CNTNAP2: variants seen among roughly 807,000 people sequenced by gnomAD.
The protein encoded by CNTNAP2 is contactin associated protein 2.
CNTNAP2 carries 98 observed loss-of-function variants against 155.2 expected under a neutral mutation model. The ratio of observed to expected loss-of-function variants is 0.63; its 90% CI spans 0.54 to 0.75. The LOEUF (loss-of-function observed/expected upper bound fraction) is 0.75, where lower values mean the gene tolerates loss of function less well. Ranked by LOEUF, CNTNAP2 falls within the 30% of genes least tolerant of loss-of-function variation. The pLI, the probability that CNTNAP2 is intolerant of heterozygous loss-of-function variation, is 0.00. For synonymous variants in CNTNAP2, 651 were observed against 631.2 expected (o/e 1.03, Z -0.47); for missense variants, 1,727 against 1,688.1 (o/e 1.02, Z -0.40).
At chr7:147,320,122 T>C (rs1795321496) in intron 9 of CNTNAP2, among the ~76,000 whole-genome samples, 1 of 152,200 alleles carries the variant, frequency 6.6e-6, no homozygotes, top group African/African-American at 2.4e-5. Context: ...TTCCACCATC[T>C]TTAGTACATT....
At chr7:147,942,959 C>T (rs908368141) in intron 14 of CNTNAP2, among the ~76,000 whole-genome samples, 1 of 151,910 alleles carries the variant, frequency 6.6e-6, no homozygotes, top group African/African-American at 2.4e-5. Context: ...ATGGCATGAA[C>T]CCGGGAGGCG....
intron 13 of CNTNAP2, among the ~76,000 whole-genome samples, chr7:147,745,277 A>G (rs1797019596): frequency 6.6e-6 from 1 of 152,210 alleles, no homozygotes; most frequent in South Asian, 2.1e-4. Flanking sequence ...CATTTTCATC[A>G]CTGGCTTTCA....
intron 1 of CNTNAP2, among the ~76,000 whole-genome samples, chr7:146,406,599 CA>C (rs1268300530): frequency 3.9e-5 from 6 of 152,182 alleles, no homozygotes; most frequent in Non-Finnish European, 7.3e-5. Flanking sequence ...TTGAAGCACC[CA>C]GTCAAAGACT....
At chr7:147,116,758 C>T (rs1029091993) in intron 5 of CNTNAP2, among the ~76,000 whole-genome samples, 2 of 151,688 alleles carry the variant, frequency 1.3e-5, no homozygotes, top group Admixed American at 6.6e-5. Flanking sequence ...GTCATGCAGG[C>T]AGGTGTGGTT....
chr7:146,154,543 TAAC>T (rs1373040939), intron 1 of CNTNAP2, among the ~76,000 whole-genome samples: 2 of 152,242 alleles, frequency 1.3e-5, no homozygotes, highest in Non-Finnish European at 2.9e-5. Context: ...GAATTTCAGA[TAAC>T]AACTGGAATT....
intron 1 of CNTNAP2, among the ~76,000 whole-genome samples, chr7:146,503,300 A>G (rs1797334484): frequency 6.6e-6 from 1 of 152,208 alleles, no homozygotes; most frequent in Non-Finnish European, 1.5e-5. Context: ...TCCAACCCGC[A>G]GCCTATGGGC....
At chr7:146,648,135 C>T (rs554508887) in intron 1 of CNTNAP2, among the ~76,000 whole-genome samples, 2 of 152,270 alleles carry the variant, frequency 1.3e-5, no homozygotes, top group Admixed American at 6.5e-5. Context: ...TTGTATTTCT[C>T]TACTTCATGG....
At chr7:147,786,517 C>T (rs1217087551) in intron 13 of CNTNAP2, among the ~76,000 whole-genome samples, 1 of 152,154 alleles carries the variant, frequency 6.6e-6, no homozygotes, top group Non-Finnish European at 1.5e-5. Context: ...CACCCACAAA[C>T]CTGGACTGCT....
At position 147,322,597 on chromosome 7, in the gene CNTNAP2, G is replaced by A. The variant is rs868286831; in HGVS notation, c.1498+22307G>A. On this transcript the variant is annotated intron_variant, in intron 9 of 23. Transcript: ENST00000361727. ...GAATGATGCTGGCCTCATAAAATGA[G>A]TTAGGGAGGATTCCCTCTTTTTCTA... 6.4e-4 allele frequency among the ~76,000 whole-genome samples: 96 copies of A among 149,442 alleles called. 1 individual carries two copies. Among genetic ancestry groups the A allele is most frequent in the Middle Eastern group, 6.8e-3 (2 of 294 alleles).
intron 2 of CNTNAP2, among the ~76,000 whole-genome samples, chr7:146,797,385 C>A (rs1371235405): frequency 6.6e-6 from 1 of 152,148 alleles, no homozygotes; most frequent in Non-Finnish European, 1.5e-5. Context: ...ACCTTGATAT[C>A]ATGTGGGGCT....
chr7:146,911,232 G>T (rs1446879369), intron 3 of CNTNAP2, among the ~76,000 whole-genome samples: 2 of 152,074 alleles, frequency 1.3e-5, no homozygotes, highest in Non-Finnish European at 2.9e-5. Context: ...TTCAACCCTT[G>T]TGGAAGTCAG....
chr7:146,617,478 T>G (rs1232799700), intron 1 of CNTNAP2, among the ~76,000 whole-genome samples: 1 of 152,118 alleles, frequency 6.6e-6, no homozygotes, highest in Non-Finnish European at 1.5e-5. Context: ...TGAAATACTT[T>G]GATTCATAAT....
chr7:147,966,903 C>T (rs80100573), intron 14 of CNTNAP2, among the ~76,000 whole-genome samples: 23 of 152,178 alleles, frequency 1.5e-4, no homozygotes, highest in Non-Finnish European at 2.9e-4. Context: ...GCTGGGTGCA[C>T]ATGGCATTCC....
intron 14 of CNTNAP2, among the ~76,000 whole-genome samples, chr7:147,944,804 C>T (rs914906016): frequency 9.9e-5 from 15 of 152,086 alleles, no homozygotes; most frequent in African/African-American, 3.1e-4. Flanking sequence ...ATTATTTTTC[C>T]TCCTTTCTCT....
intron 5 of CNTNAP2, among the ~76,000 whole-genome samples, chr7:147,119,826 G>A (rs1231915090): frequency 1.3e-5 from 2 of 152,100 alleles, no homozygotes; most frequent in African/African-American, 2.4e-5. Flanking sequence ...ACAGTCAATT[G>A]TTTATCTCTT....
chr7:146,692,613 G>A (rs1348472310), intron 1 of CNTNAP2, among the ~76,000 whole-genome samples: 1 of 152,108 alleles, frequency 6.6e-6, no homozygotes. Flanking sequence ...GGACCCTTGA[G>A]GAGCAAATCT....
chr7:146,955,640 C>A (rs1381943471), intron 3 of CNTNAP2, among the ~76,000 whole-genome samples: 1 of 151,916 alleles, frequency 6.6e-6, no homozygotes, highest in African/African-American at 2.4e-5. Context: ...CATTTTAAGA[C>A]AACCCTAGAA....
At chr7:146,965,950 C>G (rs1385312403) in intron 3 of CNTNAP2, among the ~76,000 whole-genome samples, 1 of 152,176 alleles carries the variant, frequency 6.6e-6, no homozygotes, top group East Asian at 1.9e-4. Flanking sequence ...TATGGTTGTT[C>G]AGAGGTAACC....
intron 1 of CNTNAP2, among the ~76,000 whole-genome samples, chr7:146,141,902 C>A (rs1317454632): frequency 6.6e-6 from 1 of 152,046 alleles, no homozygotes; most frequent in African/African-American, 2.4e-5. Flanking sequence ...CTTTAGGTTA[C>A]TAATATTTAA....
Sources: gnomAD v4.1 joint callset for allele counts (sites outside exome capture counted in the v4.1 genomes callset) on GRCh38, gnomAD v4.1.1 for gene constraint, MANE v1.5 for transcripts, NCBI Gene and HGNC (gene_info 2026-07-23, HGNC 2026-07-21) for gene names.